Variants in COPS2 observed in about 807,000 individuals in gnomAD.
The protein encoded by COPS2 is COP9 signalosome complex subunit 2.
COPS2 carries 10 observed loss-of-function variants against 66.1 expected under a neutral mutation model. The observed-to-expected ratio is 0.15, with a 90% CI of 0.09 to 0.26. The LOEUF (loss-of-function observed/expected upper bound fraction) is 0.26, where lower values mean the gene tolerates loss of function less well. Ranked by LOEUF, COPS2 falls within the 10% of genes least tolerant of loss-of-function variation. The pLI is 1.00. For synonymous variants in COPS2, 179 were observed against 171.3 expected (o/e 1.04, Z -0.35); for missense variants, 215 against 513.3 (o/e 0.42, Z 5.62).
intron 1 of COPS2, among the ~76,000 whole-genome samples, chr15:49,146,546 A>G (rs2141131881): frequency 6.6e-6 from 1 of 152,272 alleles, no homozygotes; most frequent in East Asian, 1.9e-4. Flanking sequence ...GGAGAGGATA[A>G]AGAGAATAGT....
At chr15:49,149,128 T>A (rs2243899) in intron 1 of COPS2, among the ~76,000 whole-genome samples, 3 of 151,886 alleles carry the variant, frequency 2.0e-5, no homozygotes, top group Non-Finnish European at 4.4e-5. Flanking sequence ...TAAAAGGGAT[T>A]AAAAATAAAA....
chr15:49,133,178 C>T (rs574970658), intron 9 of COPS2, among the ~76,000 whole-genome samples: 26 of 151,814 alleles, frequency 1.7e-4, no homozygotes, highest in Admixed American at 7.9e-4. Context: ...TTAGTAGAGA[C>T]GGGGTTTCAC....
In COPS2 at chr15:49,133,761, T is replaced by C. The variant is rs753525471; in HGVS notation, c.945A>G (p.Val315=). 6.3e-7 allele frequency: 1 copy of C among 1,598,576 alleles called. No individual in the cohort carries two copies. Among genetic ancestry groups the C allele is most frequent in the Non-Finnish European group, 8.5e-7 (1 of 1,172,732 alleles). Reference sequence around the variant, plus strand: ...TTAACTGAAATACAAAATCTTACCTTACTAAATTCGTCATTGCTAAAATTT... The same window carrying C: ...TTAACTGAAATACAAAATCTTACCTCACTAAATTCGTCATTGCTAAAATTT... ...DPEILAMTNL[V]SAYQNNDITE... is the part of the protein sequence containing the mutation. The change falls in exon 9 of 13, where the codon GTA becomes GTG. Residue 315 remains valine, a splice_region_variant and synonymous_variant. Coordinates refer to ENST00000388901, the MANE Select transcript of COPS2 (RefSeq NM_004236.4).
At position 49,123,336 on chromosome 15, in the gene COPS2, A is replaced by T. The variant is rs1248045187; in HGVS notation, c.*4614T>A. 6.6e-6 allele frequency: 1 copy of T among 152,212 alleles called. No homozygotes were observed. Among genetic ancestry groups the T allele is most frequent in the Non-Finnish European group, 1.5e-5 (1 of 68,038 alleles). The allele number at this position is 152,212 out of a possible 1,614,324, so 9.4% of individuals were successfully genotyped here. On this transcript the variant is annotated 3_prime_UTR_variant, in exon 13 of 13. Coordinates refer to ENST00000388901, the MANE Select transcript of COPS2 (RefSeq NM_004236.4). ...TTTAAAATGCCCTTACTTCAGAATT[A>T]AAAAATTACTCTAGATTATGTAAAT...
At chr15:49,130,465 A>G (rs888270448) in intron 10 of COPS2, among the ~76,000 whole-genome samples, 2 of 152,300 alleles carry the variant, frequency 1.3e-5, no homozygotes, top group East Asian at 3.8e-4. Flanking sequence ...AGATTTTTTT[A>G]AAAAGGGACA....
At chr15:49,138,026 T>C (rs577592493) in intron 4 of COPS2, among the ~76,000 whole-genome samples, 7 of 152,294 alleles carry the variant, frequency 4.6e-5, no homozygotes, top group African/African-American at 1.4e-4. Context: ...TCCCTCAAAA[T>C]TCTTCTATAA....
At chr15:49,145,691 T>C (rs548681783) in intron 1 of COPS2, among the ~76,000 whole-genome samples, 1 of 152,018 alleles carries the variant, frequency 6.6e-6, no homozygotes, top group Non-Finnish European at 1.5e-5. Flanking sequence ...ACAAAATGGA[T>C]TTATATAATT....
rs768587245 is a variant in COPS2 at position 49,137,488 on chromosome 15, G to A, written c.373-51C>T. 2.4e-6 allele frequency: 3 copies of A among 1,255,630 alleles called. No homozygotes were observed. In the South Asian group the frequency reaches 3.6e-5, roughly 15 times the overall value. The allele number at this position is 1,255,630 out of a possible 1,614,324, so 77.8% of individuals were successfully genotyped here. ...AATTGTAAACAGCAAATTTGTACCT[G>A]TTAATAAAGTTAATTTGAACAAACT... On this transcript the variant is annotated intron_variant, in intron 4 of 12. Transcript: ENST00000388901.
intron 1 of COPS2, among the ~76,000 whole-genome samples, chr15:49,148,960 C>T (rs1358992191): frequency 6.6e-6 from 1 of 151,890 alleles, no homozygotes; most frequent in African/African-American, 2.4e-5. Context: ...GAATTAGTTA[C>T]GTCAAATGAA....
intron 7 of COPS2, 21 bp from the exon 8 acceptor site, chr15:49,134,129 G>A (rs992963303): frequency 6.3e-7 from 1 of 1,586,378 alleles, no homozygotes; most frequent in Non-Finnish European, 8.6e-7. Context: ...TAAGACATGA[G>A]AAAATAGGAC....
At chr15:49,132,992 T>TTTC (rs2084223642) in intron 9 of COPS2, among the ~76,000 whole-genome samples, 1 of 150,182 alleles carries the variant, frequency 6.7e-6, no homozygotes, top group East Asian at 1.9e-4. Flanking sequence ...GTAAACATTT[T>TTTC]TTTTTTTTTT....
At chr15:49,153,751 C>T (rs1054281631) in intron 1 of COPS2, among the ~76,000 whole-genome samples, 2 of 151,984 alleles carry the variant, frequency 1.3e-5, no homozygotes, top group Admixed American at 1.3e-4. Flanking sequence ...CAACATGGAT[C>T]TGGAGAATTA....
At chr15:49,133,651 A>G in intron 9 of COPS2, 108 bp downstream of exon 9, 1 of 675,288 alleles carries the variant, frequency 1.5e-6, no homozygotes, top group East Asian at 2.9e-5. Context: ...CTAAGAAAAT[A>G]CAAAAGGGCA....
Position 49,124,492 on chromosome 15 carries a change from G to GA in COPS2, c.*3457dup, listed in dbSNP as rs1331805494. 1.3e-5 allele frequency: 2 copies of GA among 151,672 alleles called. No homozygotes were observed. The highest frequency in any genetic ancestry group is 4.8e-5 in the African/African-American group (2 of 41,330). 9.4% of individuals were successfully genotyped at this position (151,672 alleles called of 1,614,324 possible). A position where few individuals can be genotyped will look rare whatever the true frequency, so the allele number is the denominator to read the frequency against. Reference sequence around the variant, plus strand: ...AACTAAAAGAAAACCTCCAGAAAAAGAAAAAAAGAGGAAAATTTTAATTGT... The same window carrying GA: ...AACTAAAAGAAAACCTCCAGAAAAAGAAAAAAAAGAGGAAAATTTTAATTGT... On this transcript the variant is annotated 3_prime_UTR_variant, in exon 13 of 13. Transcript: ENST00000388901.
chr15:49,141,898 T>C (rs965788574), intron 3 of COPS2, among the ~76,000 whole-genome samples: 1 of 152,230 alleles, frequency 6.6e-6, no homozygotes, highest in East Asian at 1.9e-4. Flanking sequence ...AGTGTTCAAA[T>C]GGACTCGAAA....
Position 49,127,122 on chromosome 15 carries a change from C to T in COPS2, c.*828G>A, listed in dbSNP as rs1433479324. On this transcript the variant is annotated 3_prime_UTR_variant, in exon 13 of 13. Coordinates refer to ENST00000388901, the MANE Select transcript of COPS2 (RefSeq NM_004236.4). ...CTCTTTAAAAAAAAAGAATTTTATT[C>T]CTTTAAAGCATCACTGTCATAACTA... 2.0e-5 allele frequency: 3 copies of T among 152,022 alleles called. No homozygotes were observed. The highest frequency in any genetic ancestry group is 1.3e-4 in the Admixed American group (2 of 15,254). 9.4% of individuals were successfully genotyped at this position (152,022 alleles called of 1,614,324 possible).
chr15:49,152,477 A>G (rs1330020797), intron 1 of COPS2, among the ~76,000 whole-genome samples: 1 of 152,142 alleles, frequency 6.6e-6, no homozygotes, highest in Non-Finnish European at 1.5e-5. Context: ...GAAAACTCCA[A>G]CATTTCATTT....
intron 1 of COPS2, among the ~76,000 whole-genome samples, chr15:49,146,094 A>C (rs2084319368): frequency 1.3e-5 from 2 of 152,168 alleles, no homozygotes; most frequent in Admixed American, 1.3e-4. Context: ...AAAGCATAGG[A>C]GTGAAGAAAG....
At chr15:49,143,844 G>C (rs1344861499) in intron 3 of COPS2, among the ~76,000 whole-genome samples, 1 of 152,036 alleles carries the variant, frequency 6.6e-6, no homozygotes, top group Non-Finnish European at 1.5e-5. Flanking sequence ...AAATTAGCTG[G>C]GCATGGTGGC....
Sources: gnomAD v4.1 joint callset for allele counts (sites outside exome capture counted in the v4.1 genomes callset) on GRCh38, gnomAD v4.1.1 for gene constraint, MANE v1.5 for transcripts, NCBI Gene and HGNC (gene_info 2026-07-23, HGNC 2026-07-21) for gene names.